Variants in COL27A1 observed in about 807,000 individuals in gnomAD.
COL27A1 encodes the protein collagen alpha-1(XXVII) chain.
Under a neutral mutation model 251.3 loss-of-function variants are expected in COL27A1, and 106 were observed. The observed-to-expected ratio is 0.42, with a 90% CI of 0.36 to 0.50. COL27A1 has a LOEUF of 0.50. COL27A1 is among the 20% of genes least tolerant of loss of function. The pLI, the probability that COL27A1 is intolerant of heterozygous loss-of-function variation, is 0.00. For synonymous variants in COL27A1, 1,000 were observed against 986.3 expected, an observed-to-expected ratio of 1.01 and a Z score of -0.26; for missense variants, 2,325 against 2,522.8, an observed-to-expected ratio of 0.92 and a Z score of 1.68.
In COL27A1 at chr9:114,258,542, G is replaced by A; in HGVS notation, c.3143G>A (p.Gly1048Asp). ...CCAAACTCTTTCTCCTCTTCCCAGG[G>A]TCCTCCAGGATCTCGAGGCCCACCA... ...MGTPGEPGPQGPPGSRGPPGM... is the reference protein window; with the variant it reads ...MGTPGEPGPQDPPGSRGPPGM... Residue 1048 changes from glycine (G) to aspartate (D), a missense_variant and splice_region_variant, in exon 28 of 61, where the codon GGT becomes GAT. Physicochemically the swap from Gly to Asp is moderately conservative, Grantham distance 94. Coordinates refer to ENST00000356083, the MANE Select transcript of COL27A1 (RefSeq NM_032888.4). 6.2e-7 allele frequency: 1 copy of A among 1,613,894 alleles called. No homozygotes were observed. The highest frequency in any genetic ancestry group is 8.5e-7 in the Non-Finnish European group (1 of 1,179,938).
rs1032104517 is a variant in COL27A1 at position 114,194,537 on chromosome 9, C to G, written c.2070+80C>G. ...ATTGCCACACTTTAAAGCTAGCTGT[C>G]CTGCCAGAGGCCATGCATGGCAAAG... On this transcript the variant is annotated intron_variant, in intron 6 of 60. Coordinates refer to ENST00000356083, the MANE Select transcript of COL27A1 (RefSeq NM_032888.4). 27 of 1,258,742 alleles carry G rather than the reference C, an allele frequency of 2.1e-5. No homozygotes were observed. In the African/African-American group the frequency reaches 3.9e-4, roughly 18 times the overall value. 78.0% of individuals were successfully genotyped at this position (1,258,742 alleles called of 1,614,324 possible).
chr9:114,220,849 G>T (rs997333943), intron 13 of COL27A1, among the ~76,000 whole-genome samples: 1 of 152,096 alleles, frequency 6.6e-6, no homozygotes, highest in Non-Finnish European at 1.5e-5. Context: ...CAAAAAATTA[G>T]CTGGGCGTGG....
At chr9:114,228,708 A>C (rs1275142291) in intron 14 of COL27A1, among the ~76,000 whole-genome samples, 1 of 152,248 alleles carries the variant, frequency 6.6e-6, no homozygotes, top group Non-Finnish European at 1.5e-5. Context: ...AAAGCACGTC[A>C]AGTGCTTAGC....
chr9:114,194,296 A>G (rs1828953872), intron 5 of COL27A1, 108 bp from the exon 6 acceptor site: 1 of 1,024,384 alleles, frequency 9.8e-7, no homozygotes, highest in African/African-American at 1.6e-5. Context: ...GGGAGGATGG[A>G]TGGGAAGGCA....
chr9:114,232,474 A>G (rs1832034509), intron 16 of COL27A1, among the ~76,000 whole-genome samples: 2 of 152,202 alleles, frequency 1.3e-5, no homozygotes, highest in Admixed American at 6.5e-5. Flanking sequence ...CGAGAGACAC[A>G]GGGCCCAGCA....
intron 12 of COL27A1, 75 bp downstream of exon 12, chr9:114,211,101 C>A: frequency 7.0e-7 from 1 of 1,438,806 alleles, no homozygotes; most frequent in Non-Finnish European, 9.8e-7. Flanking sequence ...GCCCTGGCCA[C>A]CTGCTGCCTG....
intron 3 of COL27A1, among the ~76,000 whole-genome samples, chr9:114,171,944 A>C (rs1293136182): frequency 1.3e-5 from 2 of 152,194 alleles, no homozygotes; most frequent in Non-Finnish European, 2.9e-5. Context: ...AAAGGCTCCC[A>C]GCGTGTTCCT....
In COL27A1 at chr9:114,168,227, C is replaced by T. The variant is rs374669935; in HGVS notation, c.672C>T (p.Val224=). ...TCAGTATCTACCCTGTGACGCAGGT[C>T]GCTCACAATTACTGTACCCACCTGA... The part of the protein sequence containing the change: ...CQFSIYPVTQ[V]AHNYCTHLRK... Residue 224 remains valine, a synonymous_variant, in exon 3 of 61, where the codon GTC becomes GTT. Transcript: ENST00000356083. 6.6e-5 allele frequency: 106 copies of T among 1,613,994 alleles called. No individual in the cohort carries two copies. Among genetic ancestry groups the T allele is most frequent in the African/African-American group, 2.1e-4 (16 of 75,048 alleles).
Position 114,265,068 on chromosome 9 carries a change from T to C in COL27A1, c.3297T>C (p.Gly1099=). ...ATGACCCCCACATGTGCTTCCAGGG[T>C]GTGGCTGGTGAGCGAGGCCACTTGG... ...QGRPGRPGQQ[G]VAGERGHLGS... is the part of the protein sequence containing the mutation. The change falls in exon 31 of 61, where the codon GGT becomes GGC. Residue 1099 remains glycine, a splice_region_variant and synonymous_variant. Coordinates refer to ENST00000356083, the MANE Select transcript of COL27A1 (RefSeq NM_032888.4). 1 of 1,610,462 alleles carries C rather than the reference T, an allele frequency of 6.2e-7. No individual in the cohort carries two copies. The highest frequency in any genetic ancestry group is 8.5e-7 in the Non-Finnish European group (1 of 1,178,190).
intron 7 of COL27A1, among the ~76,000 whole-genome samples, chr9:114,203,469 T>C (rs2567717): frequency 0.65 from 99,175 of 151,976 alleles, 33,534 homozygotes; most frequent in Non-Finnish European, 0.73. Context: ...GTTAGTACAG[T>C]AGTACTGGAA....
intron 57 of COL27A1, among the ~76,000 whole-genome samples, chr9:114,305,495 C>T (rs1409453297): frequency 6.6e-6 from 1 of 152,132 alleles, no homozygotes; most frequent in Non-Finnish European, 1.5e-5. Context: ...AAAGTGGCTC[C>T]GTTTATCAAG....
At chr9:114,176,059 G>A (rs144897319) in intron 3 of COL27A1, among the ~76,000 whole-genome samples, 29 of 152,302 alleles carry the variant, frequency 1.9e-4, no homozygotes, top group South Asian at 2.1e-4. Context: ...CCCAGGGTAG[G>A]AGAACAGGTC....
At chr9:114,240,305 AG>A in intron 20 of COL27A1, 32 bp downstream of exon 20, 1 of 1,583,442 alleles carries the variant, frequency 6.3e-7, no homozygotes, top group South Asian at 1.2e-5. Flanking sequence ...CTCCAGTTGG[AG>A]GAGCAGACAG....
intron 7 of COL27A1, among the ~76,000 whole-genome samples, chr9:114,201,140 T>A (rs1306739287): frequency 6.6e-6 from 1 of 152,166 alleles, no homozygotes; most frequent in African/African-American, 2.4e-5. Context: ...CGAGTTCTAT[T>A]ATAAACACAG....
chr9:114,238,444 G>T (rs1426660797), intron 19 of COL27A1, among the ~76,000 whole-genome samples: 2 of 152,184 alleles, frequency 1.3e-5, no homozygotes, highest in African/African-American at 4.8e-5. Flanking sequence ...GCCAACCTCA[G>T]TTGGAGCCCC....
intron 1 of COL27A1, among the ~76,000 whole-genome samples, chr9:114,160,458 T>C (rs1280645038): frequency 6.6e-6 from 1 of 152,074 alleles, no homozygotes; most frequent in Non-Finnish European, 1.5e-5. Context: ...CCCGGCCGTT[T>C]TTTAAAGTCT....
At chr9:114,224,364 A>T (rs966218050) in intron 14 of COL27A1, among the ~76,000 whole-genome samples, 1 of 152,132 alleles carries the variant, frequency 6.6e-6, no homozygotes, top group Non-Finnish European at 1.5e-5. Context: ...TTTCCTGTGG[A>T]TGGAGCCCGA....
intron 2 of COL27A1, among the ~76,000 whole-genome samples, chr9:114,165,741 A>G (rs1368589742): frequency 1.4e-5 from 2 of 147,060 alleles, no homozygotes; most frequent in African/African-American, 2.5e-5. Context: ...TTCGTCCATT[A>G]TACATCCATC....
intron 28 of COL27A1, among the ~76,000 whole-genome samples, chr9:114,261,303 A>C (rs1350022002): frequency 5.3e-5 from 8 of 152,006 alleles, no homozygotes; most frequent in African/African-American, 1.9e-4. Flanking sequence ...ATCTTCCTCG[A>C]GGAGCGGATA....
Sources: gnomAD v4.1 joint callset for allele counts (sites outside exome capture counted in the v4.1 genomes callset) on GRCh38, gnomAD v4.1.1 for gene constraint, MANE v1.5 for transcripts, NCBI Gene and HGNC (gene_info 2026-07-23, HGNC 2026-07-21) for gene names.